Variants in ITGA4 observed in about 807,000 individuals in gnomAD.
The protein encoded by ITGA4 is integrin subunit alpha 4.
ITGA4 carries 63 observed loss-of-function variants against 133.6 expected under a neutral mutation model. That is an observed-to-expected ratio of 0.47 (90% CI 0.38 to 0.58). The LOEUF (loss-of-function observed/expected upper bound fraction) is 0.58. Among genes scored for constraint, ITGA4 ranks in the 20% least tolerant of loss-of-function variants. The probability of loss-of-function intolerance (pLI) is 0.00; values close to 1 mark genes in which losing one functional copy is unlikely to be tolerated. For synonymous variants in ITGA4, 483 were observed against 438.0 expected (o/e 1.10, Z -1.28); for missense variants, 1,076 against 1,252.7 (o/e 0.86, Z 2.13).
rs1358957625 is a variant in ITGA4, at chr2:181,537,279, G to A, written c.*1752G>A. ...GTTCTTTCCTACTCAGAACTACTCA[G>A]AAACAACTATATATTTCAGGTTATC... On this transcript the variant is annotated 3_prime_UTR_variant, in exon 28 of 28. Transcript: ENST00000397033. The A allele has an allele frequency of 2.2e-6, 1 of 453,518 alleles. No individual in the cohort carries two copies. The highest frequency in any genetic ancestry group is 4.4e-6 in the Non-Finnish European group (1 of 226,484). The allele number at this position is 453,518 out of a possible 1,614,324, so 28.1% of individuals were successfully genotyped here. A position where few individuals can be genotyped will look rare whatever the true frequency, so the allele number is the denominator to read the frequency against.
At position 181,538,120 on chromosome 2, in the gene ITGA4, G is replaced by T; in HGVS notation, c.*2593G>T. 8.7e-7 allele frequency: 1 copy of T among 1,145,054 alleles called. No individual in the cohort carries two copies. Among genetic ancestry groups the T allele is most frequent in the Non-Finnish European group, 1.3e-6 (1 of 759,398 alleles). 70.9% of individuals were successfully genotyped at this position (1,145,054 alleles called of 1,614,324 possible). ...AAAGGGTGGGGACCACAGGTTTAAA[G>T]CATGGCCACATTTCTTTATATTAAA... On this transcript the variant is annotated 3_prime_UTR_variant, in exon 28 of 28. Coordinates refer to ENST00000397033, the MANE Select transcript of ITGA4 (RefSeq NM_000885.6).
intron 10 of ITGA4, among the ~76,000 whole-genome samples, chr2:181,492,698 A>C (rs1686076622): frequency 1.3e-5 from 2 of 152,152 alleles, no homozygotes; most frequent in Non-Finnish European, 2.9e-5. Context: ...CAGAAAGGTG[A>C]TAAAATCATT....
At chr2:181,509,350 T>C (rs1686458677) in intron 15 of ITGA4, among the ~76,000 whole-genome samples, 1 of 151,912 alleles carries the variant, frequency 6.6e-6, no homozygotes. Flanking sequence ...TGTTATAATA[T>C]CAAGTTATCT....
chr2:181,458,631 C>T (rs1685193004), intron 2 of ITGA4: 1 of 326,914 alleles, frequency 3.1e-6, no homozygotes, highest in South Asian at 3.6e-5. Context: ...ACTCTCTCAG[C>T]GTATTAAGGA....
chr2:181,463,533 T>G (rs1685338885), intron 2 of ITGA4, among the ~76,000 whole-genome samples: 1 of 152,148 alleles, frequency 6.6e-6, no homozygotes, highest in African/African-American at 2.4e-5. Context: ...TAGCACTTGG[T>G]AATTATTGAA....
chr2:181,507,200 G>C (rs1171110754), intron 15 of ITGA4, among the ~76,000 whole-genome samples: 1 of 152,092 alleles, frequency 6.6e-6, no homozygotes, highest in Non-Finnish European at 1.5e-5. Flanking sequence ...AAACTGCATA[G>C]ATTTTCTCCA....
chr2:181,466,090 C>A (rs539924960), intron 2 of ITGA4, among the ~76,000 whole-genome samples: 16 of 152,138 alleles, frequency 1.1e-4, no homozygotes, highest in African/African-American at 3.9e-4. Context: ...AAAAGACTTG[C>A]GTACGTTTTC....
At chr2:181,487,951 C>T (rs1574390860) in intron 10 of ITGA4, among the ~76,000 whole-genome samples, 1 of 152,168 alleles carries the variant, frequency 6.6e-6, no homozygotes, top group Non-Finnish European at 1.5e-5. Context: ...CTTTTAAAAA[C>T]ACAAAATCAC....
rs1301578842 is a variant in ITGA4, at chr2:181,537,319, G to A, written c.*1792G>A. 2.2e-6 allele frequency: 1 copy of A among 453,528 alleles called. No homozygotes were observed. The highest frequency in any genetic ancestry group is 7.0e-5 in the East Asian group (1 of 14,294). The allele number at this position is 453,528 out of a possible 1,614,324, so 28.1% of individuals were successfully genotyped here. On this transcript the variant is annotated 3_prime_UTR_variant, in exon 28 of 28. Transcript: ENST00000397033. ...TTCAGGTTATCTGAGCACAGTGAAAGCAGAGTACTATGGTTGTCCAACACA... is the reference window on the plus strand; with the variant it reads ...TTCAGGTTATCTGAGCACAGTGAAAACAGAGTACTATGGTTGTCCAACACA...
At chr2:181,534,190 T>G in intron 25 of ITGA4, 82 bp from the exon 26 acceptor site, 1 of 837,668 alleles carries the variant, frequency 1.2e-6, no homozygotes. Context: ...TGTGAAAACC[T>G]CTAGCTAGAA....
At chr2:181,458,357 C>A (rs748250373) in intron 2 of ITGA4, 40 bp downstream of exon 2, 1 of 1,595,242 alleles carries the variant, frequency 6.3e-7, no homozygotes, top group South Asian at 1.1e-5. Flanking sequence ...GACCTCCCGA[C>A]CCCCCATGTG....
At chr2:181,508,580 C>T (rs1686441275) in intron 15 of ITGA4, among the ~76,000 whole-genome samples, 1 of 151,848 alleles carries the variant, frequency 6.6e-6, no homozygotes, top group Non-Finnish European at 1.5e-5. Context: ...CCTGTAATTC[C>T]AGCTACTCGG....
Position 181,538,179 on chromosome 2 carries a change from A to C in ITGA4, c.*2652A>C. On this transcript the variant is annotated 3_prime_UTR_variant, in exon 28 of 28. Transcript: ENST00000397033. ...TTGTACATTTCTTTTAGAAACAATT[A>C]CATGTTACTTTGGAATCATTTCTTC... 1 of 1,545,154 alleles carries C rather than the reference A, an allele frequency of 6.5e-7. No individual in the cohort carries two copies. The highest frequency in any genetic ancestry group is 1.7e-5 in the Admixed American group (1 of 59,792).
chr2:181,486,223 T>C (rs1685914995), intron 10 of ITGA4: 1 of 438,442 alleles, frequency 2.3e-6, no homozygotes, highest in African/African-American at 2.1e-5. Context: ...TTTCAGTGAT[T>C]CTAAGGCACC....
At chr2:181,518,632 A>AC (rs1225896471) in intron 17 of ITGA4, among the ~76,000 whole-genome samples, 1 of 151,964 alleles carries the variant, frequency 6.6e-6, no homozygotes, top group Non-Finnish European at 1.5e-5. Context: ...TTTTTGTGGG[A>AC]CAGAGATCTC....
chr2:181,460,205 G>A (rs1269110137), intron 2 of ITGA4, among the ~76,000 whole-genome samples: 10 of 152,082 alleles, frequency 6.6e-5, no homozygotes, highest in Admixed American at 6.5e-4. Context: ...TATTTACTGG[G>A]ATGAAAGGAA....
Position 181,523,954 on chromosome 2 carries a change from T to C in ITGA4, c.2170-217T>C, listed in dbSNP as rs988793913. Among the ~76,000 whole-genome samples the C allele has an allele frequency of 6.6e-6, 1 of 152,186 alleles. No individual in the cohort carries two copies. Among genetic ancestry groups the C allele is most frequent in the Non-Finnish European group, 1.5e-5 (1 of 68,030 alleles). On this transcript the variant is annotated intron_variant, in intron 19 of 27. Coordinates refer to ENST00000397033, the MANE Select transcript of ITGA4 (RefSeq NM_000885.6). This position sits in a 1 kb window ranked among gnomAD's most constrained non-coding sequence, Gnocchi z 4.2. ...CTGCGTTCACATTCAGAGACGTCTT[T>C]GTCTCTGAATGTTACGTGTGGATAT...
chr2:181,490,593 G>C (rs1038457514), intron 10 of ITGA4, among the ~76,000 whole-genome samples: 1 of 151,446 alleles, frequency 6.6e-6, no homozygotes, highest in African/African-American at 2.4e-5. Flanking sequence ...GAAATTTGGG[G>C]GTATGACCTC....
chr2:181,461,477 T>C (rs1685276344), intron 2 of ITGA4, among the ~76,000 whole-genome samples: 1 of 151,858 alleles, frequency 6.6e-6, no homozygotes, highest in Non-Finnish European at 1.5e-5. Flanking sequence ...CCAGGTGATT[T>C]CTACATGTCC....
Sources: gnomAD v4.1 joint callset for allele counts (sites outside exome capture counted in the v4.1 genomes callset) on GRCh38, gnomAD v4.1.1 for gene constraint, Gnocchi (gnomAD v3.1) non-coding constraint, MANE v1.5 for transcripts, NCBI Gene and HGNC (gene_info 2026-07-23, HGNC 2026-07-21) for gene names.